The following USP54 variants were observed in gnomAD, a reference collection of about 807,000 sequenced individuals.
USP54 encodes the protein ubiquitin carboxyl-terminal hydrolase 54.
In USP54, 87 loss-of-function variants were observed where a neutral mutation model predicts 170.5. That is an observed-to-expected ratio of 0.51 (90% CI 0.43 to 0.61). The LOEUF is 0.61. USP54 is among the 20% of genes least tolerant of loss of function. The pLI, the probability that USP54 is intolerant of heterozygous loss-of-function variation, is 0.00. For synonymous variants in USP54, 655 were observed against 742.8 expected (o/e 0.88, Z 1.92); for missense variants, 1,786 against 2,047.8 (o/e 0.87, Z 2.47).
Position 73,523,615 on chromosome 10 carries a change from C to A in USP54, c.2330G>T (p.Arg777Leu). Residue 777 changes from arginine (R) to leucine (L), a missense_variant, in exon 17 of 24, where the codon CGC becomes CTC. Transcript: ENST00000687698. ...AAKGFNPHPS[R>L]FMDLDELQNQ... ...CTGCAGTTCATCCAAGTCCATGAAG[C>A]GGCTAGGATGAGGGTTAAACCCTTT... 2 of 1,609,912 alleles carry A rather than the reference C, an allele frequency of 1.2e-6. No homozygotes were observed. The highest frequency in any genetic ancestry group is 1.1e-5 in the South Asian group (1 of 90,578).
chr10:73,502,784 G>C (rs1309722570), intron 22 of USP54, among the ~76,000 whole-genome samples: 1 of 151,968 alleles, frequency 6.6e-6, no homozygotes, highest in African/African-American at 2.4e-5. Context: ...TTCTCTTTCT[G>C]CAAGTCTTTT....
chr10:73,534,378 T>G (rs902926793), intron 12 of USP54, among the ~76,000 whole-genome samples: 3 of 152,004 alleles, frequency 2.0e-5, no homozygotes, highest in African/African-American at 7.2e-5. Context: ...AACTAATTTT[T>G]TTTTTGTATT....
Position 73,534,524 on chromosome 10 carries a change from C to T in USP54, c.1315+76G>A, listed in dbSNP as rs1307935540. ...ACAGGTGTGAGCCACTGCGCCTGGC[C>T]TCACAGTTTCTTTTTCTTAGGAGAT... On this transcript the variant is annotated intron_variant, in intron 12 of 23. Transcript: ENST00000687698. 3 of 1,533,580 alleles carry T rather than the reference C, an allele frequency of 2.0e-6. No individual in the cohort carries two copies. The African/African-American group carries it at 4.1e-5, about 21-fold the overall frequency. 95.0% of individuals were successfully genotyped at this position (1,533,580 alleles called of 1,614,324 possible).
At position 73,503,023 on chromosome 10, in the gene USP54, C is replaced by A. The variant is rs146854939; in HGVS notation, c.4311+1827G>T. On this transcript the variant is annotated intron_variant, in intron 22 of 23. Coordinates refer to ENST00000687698, the MANE Select transcript of USP54 (RefSeq NM_001391956.1). Reference sequence around the variant, plus strand: ...ACTGATGTTTACTTCCTAACTGGGTCTCAAATACATCGACTTATCTCTATC... The same window carrying A: ...ACTGATGTTTACTTCCTAACTGGGTATCAAATACATCGACTTATCTCTATC... Among the ~76,000 whole-genome samples the A allele has an allele frequency of 1.5e-3, 223 of 152,296 alleles. 2 individuals are homozygous for A. Among genetic ancestry groups the A allele is most frequent in the Admixed American group, 4.3e-3 (65 of 15,290 alleles).
intron 3 of USP54, among the ~76,000 whole-genome samples, chr10:73,573,436 A>AT (rs919192549): frequency 3.9e-5 from 6 of 152,000 alleles, no homozygotes; most frequent in Non-Finnish European, 8.8e-5. Flanking sequence ...CCAGCACATA[A>AT]TTTTTTTTTA....
intron 12 of USP54, among the ~76,000 whole-genome samples, chr10:73,533,473 C>G (rs183112181): frequency 6.6e-6 from 1 of 151,708 alleles, no homozygotes; most frequent in Non-Finnish European, 1.5e-5. Flanking sequence ...GTTATAATTA[C>G]TGAAACTAGG....
At chr10:73,510,074 C>T (rs985490569) in intron 20 of USP54, among the ~76,000 whole-genome samples, 3 of 152,054 alleles carry the variant, frequency 2.0e-5, no homozygotes, top group Admixed American at 6.5e-5. Context: ...TGGTGGCTCA[C>T]GCCTGTAATC....
In USP54 at chr10:73,516,398, G is replaced by A. The variant is rs1396131281; in HGVS notation, c.4028C>T (p.Ala1343Val). The change falls in exon 20 of 24, where the codon GCC (alanine) becomes GTC (valine). Residue 1343 changes from alanine to valine, a missense_variant. By Grantham distance (64) the Ala-to-Val change is moderately conservative. Around this residue, in one of 3 missense-constraint regions of USP54, gnomAD observed 1,418 missense variants for 1,569.0 expected, o/e 0.90. Coordinates refer to ENST00000687698, the MANE Select transcript of USP54 (RefSeq NM_001391956.1). ...GCSGWGQQDT[A>V]WHPLSQTGSA... ...ACCTGTTTGGCTAAGTGGGTGCCAG[G>A]CGGTATCCTGCTGCCCCCATCCAGA... 2 of 1,612,806 alleles carry A rather than the reference G, an allele frequency of 1.2e-6. No homozygotes were observed. The highest frequency in any genetic ancestry group is 1.7e-6 in the Non-Finnish European group (2 of 1,179,514).
At position 73,536,262 on chromosome 10, in the gene USP54, T is replaced by C. The variant is rs148682113; in HGVS notation, c.1144+7A>G. 5.6e-4 allele frequency: 898 copies of C among 1,613,934 alleles called. 4 individuals are homozygous for C. Among genetic ancestry groups the C allele is most frequent in the African/African-American group, 2.4e-3 (178 of 75,054 alleles). On this transcript the variant is annotated splice_region_variant and intron_variant, in intron 11 of 23. Coordinates refer to ENST00000687698, the MANE Select transcript of USP54 (RefSeq NM_001391956.1). The stretch of plus-strand genomic sequence containing the variant: ...AGAGAGGAGAGGTAAAGAGCCTGGC[T>C]GCTCACCTGAATCTTCACTGTCGTA...
rs747938209 is a variant in USP54 at position 73,519,791 on chromosome 10, C to T, written c.2678+6G>A. 2 of 1,613,670 alleles carry T rather than the reference C, an allele frequency of 1.2e-6. No individual in the cohort carries two copies. Among genetic ancestry groups the T allele is most frequent in the Non-Finnish European group, 1.7e-6 (2 of 1,179,934 alleles). ...TTCATAAACTAACATGGTTCCCAAG[C>T]ACTACCTTGTTGGCTGAGAGAGAGT... is the stretch of plus-strand genomic sequence containing the variant. On this transcript the variant is annotated splice_donor_region_variant and intron_variant, in intron 19 of 23. Coordinates refer to ENST00000687698, the MANE Select transcript of USP54 (RefSeq NM_001391956.1).
intron 3 of USP54, among the ~76,000 whole-genome samples, chr10:73,574,619 A>G (rs2075813464): frequency 6.6e-6 from 1 of 152,062 alleles, no homozygotes; most frequent in Non-Finnish European, 1.5e-5. Context: ...TCCACTAAAA[A>G]TACAAAAATT....
chr10:73,518,307 T>G, intron 19 of USP54: 1 of 934,556 alleles, frequency 1.1e-6, no homozygotes, highest in Non-Finnish European at 1.3e-6. Context: ...GTTTTTATAA[T>G]CTGGATTTTG....
At chr10:73,560,658 C>G (rs1162190011) in intron 4 of USP54, among the ~76,000 whole-genome samples, 3 of 109,346 alleles carry the variant, frequency 2.7e-5, no homozygotes, top group African/African-American at 4.2e-5. Context: ...TGCAAAACTC[C>G]GTCTCAAAAA....
chr10:73,505,198 G>A (rs751925796), intron 21 of USP54, 110 bp downstream of exon 21: 287 of 1,253,388 alleles, frequency 2.3e-4, no homozygotes, highest in Non-Finnish European at 3.0e-4. Context: ...TCTTCTGATA[G>A]CCCCATATCA....
intron 12 of USP54, among the ~76,000 whole-genome samples, chr10:73,531,088 A>G (rs2063872751): frequency 6.6e-6 from 1 of 152,142 alleles, no homozygotes; most frequent in Non-Finnish European, 1.5e-5. Flanking sequence ...ACTTGAGGCC[A>G]GGAGTTCGAG....
chr10:73,524,408 C>T (rs1386027790), intron 16 of USP54, among the ~76,000 whole-genome samples: 1 of 151,568 alleles, frequency 6.6e-6, no homozygotes, highest in Non-Finnish European at 1.5e-5. Flanking sequence ...GGTGAAACCC[C>T]GTCTCTACTA....
intron 4 of USP54, among the ~76,000 whole-genome samples, chr10:73,561,152 T>G (rs1458651438): frequency 4.2e-5 from 6 of 143,680 alleles, no homozygotes; most frequent in African/African-American, 1.5e-4. Context: ...TACCAAAAGA[T>G]TCTATCAACC....
chr10:73,580,564 TTTTA>T (rs948086487), intron 1 of USP54, among the ~76,000 whole-genome samples: 1 of 141,498 alleles, frequency 7.1e-6, no homozygotes. Flanking sequence ...CAATTGCTTA[TTTTA>T]TTTATTTATT....
chr10:73,559,822 T>C (rs2072375718), intron 4 of USP54, among the ~76,000 whole-genome samples: 2 of 151,458 alleles, frequency 1.3e-5, no homozygotes, highest in South Asian at 2.1e-4. Flanking sequence ...CCAGCAGAGT[T>C]TGGGAGGCCA....
Sources: allele counts gnomAD v4.1 joint callset (sites outside exome capture counted in the v4.1 genomes callset), GRCh38; gene constraint gnomAD v4.1.1; regional missense constraint gnomAD v4.1.1; transcripts MANE v1.5; gene names NCBI Gene and HGNC (gene_info 2026-07-23, HGNC 2026-07-21).